The following GNG12 variants were observed in gnomAD, a reference collection of about 807,000 sequenced individuals.
GNG12 encodes the protein G protein subunit gamma 12.
For missense variants in GNG12, 69 were observed against 83.8 expected, an observed-to-expected ratio of 0.82 and a Z score of 0.69; for synonymous variants, 28 against 29.7, an observed-to-expected ratio of 0.94 and a Z score of 0.19.
intron 2 of GNG12, among the ~76,000 whole-genome samples, chr1:67,725,019 A>C (rs574935930): frequency 6.6e-6 from 1 of 152,192 alleles, no homozygotes; most frequent in East Asian, 1.9e-4. Context: ...CCTTCTTTAG[A>C]TCATGATCTA....
intron 1 of GNG12, among the ~76,000 whole-genome samples, chr1:67,816,882 AC>A (rs201654051): frequency 0.016 from 2,381 of 152,330 alleles, 69 homozygotes; most frequent in African/African-American, 0.054. Flanking sequence ...TGTGCAAGTA[AC>A]AGAAGCTTTC....
In GNG12 at chr1:67,734,486, G is replaced by A. The variant is rs187013562; in HGVS notation, c.-26-26774C>T. Among the ~76,000 whole-genome samples the A allele has an allele frequency of 4.6e-3, 704 of 152,302 alleles. 4 individuals are homozygous for A. Among genetic ancestry groups the A allele is most frequent in the African/African-American group, 0.016 (671 of 41,564 alleles). ...CCTCACAGTCACCCTATGCAAGAGT[G>A]CTATATTTTCCCCACTACACAGATG... On this transcript the variant is annotated intron_variant, in intron 2 of 3. Coordinates refer to ENST00000370982, the MANE Select transcript of GNG12 (RefSeq NM_018841.6).
intron 2 of GNG12, among the ~76,000 whole-genome samples, chr1:67,769,840 T>A (rs1557611378): frequency 6.6e-6 from 1 of 151,900 alleles, no homozygotes; most frequent in Non-Finnish European, 1.5e-5. Flanking sequence ...ACACTCACTC[T>A]CACTCTCTCT....
intron 2 of GNG12, among the ~76,000 whole-genome samples, chr1:67,756,265 C>G (rs1169788760): frequency 3.3e-5 from 5 of 151,658 alleles, no homozygotes; most frequent in Admixed American, 6.6e-5. Context: ...AGGAAGGGAC[C>G]AAAAAAATAA....
intron 2 of GNG12, among the ~76,000 whole-genome samples, chr1:67,717,537 CT>C (rs1646333217): frequency 6.6e-6 from 1 of 151,588 alleles, no homozygotes; most frequent in Admixed American, 6.6e-5. Flanking sequence ...AAGGACACTA[CT>C]TTTTTTCTGT....
intron 2 of GNG12, among the ~76,000 whole-genome samples, chr1:67,719,190 G>A (rs2100686005): frequency 6.6e-6 from 1 of 152,248 alleles, no homozygotes; most frequent in African/African-American, 2.4e-5. Flanking sequence ...AGTCTCACCT[G>A]CGAGCCTCCA....
intron 2 of GNG12, among the ~76,000 whole-genome samples, chr1:67,771,800 G>A (rs1646676544): frequency 6.6e-6 from 1 of 152,200 alleles, no homozygotes; most frequent in Non-Finnish European, 1.5e-5. Context: ...ATAATCATGT[G>A]TATAAATATA....
intron 1 of GNG12, among the ~76,000 whole-genome samples, chr1:67,817,096 G>A (rs1358994501): frequency 6.6e-6 from 1 of 152,118 alleles, no homozygotes; most frequent in Non-Finnish European, 1.5e-5. Context: ...TGAATTCAAC[G>A]GGTACAATAT....
chr1:67,707,028 G>A (rs538324145), intron 3 of GNG12, among the ~76,000 whole-genome samples: 5 of 152,118 alleles, frequency 3.3e-5, no homozygotes, highest in Non-Finnish European at 7.4e-5. Flanking sequence ...TTCTCTCTTG[G>A]GATTTAGGGG....
chr1:67,763,329 T>C (rs1646617335), intron 2 of GNG12, among the ~76,000 whole-genome samples: 1 of 152,226 alleles, frequency 6.6e-6, no homozygotes, highest in Non-Finnish European at 1.5e-5. Flanking sequence ...TTATACATTA[T>C]GTTCAACTGT....
chr1:67,814,273 T>G (rs1213731307), intron 1 of GNG12, among the ~76,000 whole-genome samples: 1 of 152,236 alleles, frequency 6.6e-6, no homozygotes, highest in East Asian at 1.9e-4. Flanking sequence ...CCTTCCTGTT[T>G]AGAAATTTTA....
At chr1:67,794,223 C>T (rs753948981) in intron 1 of GNG12, among the ~76,000 whole-genome samples, 6 of 152,204 alleles carry the variant, frequency 3.9e-5, no homozygotes, top group Non-Finnish European at 8.8e-5. Flanking sequence ...GAGTCCTCAA[C>T]ATCTCCTTGC....
At chr1:67,798,557 C>A (rs1006379881) in intron 1 of GNG12, among the ~76,000 whole-genome samples, 1 of 152,124 alleles carries the variant, frequency 6.6e-6, no homozygotes, top group African/African-American at 2.4e-5. Flanking sequence ...CTCTGCCACC[C>A]CGAGACAGCG....
chr1:67,733,675 A>C lies in GNG12; in HGVS notation c.-26-25963T>G, dbSNP rs181691216. On this transcript the variant is annotated intron_variant, in intron 2 of 3. Transcript: ENST00000370982. ...CTAAAGTCAATTTTGAAAATTTGTA[A>C]ATTTCTGCAATTTCTTTCCTTCTCC... 3.9e-5 allele frequency among the ~76,000 whole-genome samples: 6 copies of C among 152,328 alleles called. No individual in the cohort carries two copies. In the East Asian group the frequency reaches 1.2e-3, roughly 29 times the overall value.
intron 1 of GNG12, among the ~76,000 whole-genome samples, chr1:67,823,968 G>C (rs767761645): frequency 6.6e-6 from 1 of 152,202 alleles, no homozygotes; most frequent in Non-Finnish European, 1.5e-5. Context: ...CTGTGTGTGT[G>C]TGAGAAAGAG....
At chr1:67,771,411 A>G (rs116430460) in intron 2 of GNG12, among the ~76,000 whole-genome samples, 76 of 152,352 alleles carry the variant, frequency 5.0e-4, no homozygotes, top group African/African-American at 1.6e-3. Flanking sequence ...TAAGTAAAGT[A>G]GTAGGAACCT....
At chr1:67,829,690 C>T (rs1647032068) in intron 1 of GNG12, among the ~76,000 whole-genome samples, 1 of 152,188 alleles carries the variant, frequency 6.6e-6, no homozygotes, top group Non-Finnish European at 1.5e-5. Context: ...AGTCTACTCA[C>T]CTAGAAGTAT....
intron 2 of GNG12, among the ~76,000 whole-genome samples, chr1:67,747,411 C>T (rs142566646): frequency 1.7e-3 from 261 of 152,312 alleles, no homozygotes; most frequent in East Asian, 6.2e-3. Flanking sequence ...TGAGCCACCG[C>T]GCCTAGCCCA....
In GNG12 at chr1:67,817,197, C is replaced by A. The variant is rs191080270; in HGVS notation, c.-77+16147G>T. Among the ~76,000 whole-genome samples the A allele has an allele frequency of 2.5e-3, 374 of 152,174 alleles. 3 individuals are homozygous for A. The highest frequency in any genetic ancestry group is 4.8e-3 in the Non-Finnish European group (329 of 68,012). ...TGGCTGAATAGCATGCTACTGGGAA[C>A]CCAGACAGCAGAAAATTTACATATG... is the stretch of plus-strand genomic sequence containing the variant. On this transcript the variant is annotated intron_variant, in intron 1 of 3. Coordinates refer to ENST00000370982, the MANE Select transcript of GNG12 (RefSeq NM_018841.6).
Sources: gnomAD v4.1 joint callset for allele counts (sites outside exome capture counted in the v4.1 genomes callset) on GRCh38, gnomAD v4.1.1 for gene constraint, MANE v1.5 for transcripts, NCBI Gene and HGNC (gene_info 2026-07-23, HGNC 2026-07-21) for gene names.